ANO3: variants seen among roughly 807,000 people sequenced by gnomAD.
ANO3 encodes the protein anoctamin 3.
A neutral mutation model predicts 144.8 loss-of-function variants in ANO3; 99 were observed. The observed-to-expected ratio is 0.68, with a 90% CI of 0.58 to 0.81. ANO3 has a LOEUF of 0.81. Ranked by LOEUF, ANO3 falls within the 30% of genes least tolerant of loss-of-function variation. The probability of loss-of-function intolerance (pLI) is 0.00; values close to 1 mark genes in which losing one functional copy is unlikely to be tolerated. For synonymous variants in ANO3, 414 were observed against 392.6 expected (o/e 1.05, Z -0.64); for missense variants, 905 against 1,202.2 (o/e 0.75, Z 3.66).
At chr11:26,416,582 ATGCCCAGCTAGTT>A (rs1169250233) in intron 1 of ANO3, among the ~76,000 whole-genome samples, 2 of 151,984 alleles carry the variant, frequency 1.3e-5, no homozygotes, top group Non-Finnish European at 2.9e-5. Context: ...GTGCTCCACC[ATGCCCAGCTAGTT>A]TTTTGTATTT....
chr11:26,609,078 G>C (rs1230611678), intron 17 of ANO3, among the ~76,000 whole-genome samples: 1 of 152,202 alleles, frequency 6.6e-6, no homozygotes, highest in African/African-American at 2.4e-5. Flanking sequence ...GGGTTCACAA[G>C]TGGGATCTTC....
intron 4 of ANO3, among the ~76,000 whole-genome samples, chr11:26,480,059 A>T (rs995474466): frequency 4.6e-5 from 7 of 152,224 alleles, no homozygotes; most frequent in Non-Finnish European, 1.0e-4. Context: ...AGCAAGAGGC[A>T]TACCTGGCTA....
chr11:26,412,431 A>C (rs1265104722), intron 1 of ANO3, among the ~76,000 whole-genome samples: 1 of 152,076 alleles, frequency 6.6e-6, no homozygotes, highest in Non-Finnish European at 1.5e-5. Flanking sequence ...AGACCTGAGT[A>C]ATATTTCAGT....
chr11:26,602,535 C>T (rs115525523), intron 17 of ANO3, among the ~76,000 whole-genome samples: 2,337 of 151,634 alleles, frequency 0.015, 59 homozygotes, highest in African/African-American at 0.054. Flanking sequence ...GAGACCAGCC[C>T]GGGCAACATA....
chr11:26,555,968 A>G (rs1850071266), intron 13 of ANO3, among the ~76,000 whole-genome samples: 1 of 151,996 alleles, frequency 6.6e-6, no homozygotes. Context: ...AATAAATTAA[A>G]TTTTCCATAT....
At chr11:26,652,529 T>C (rs1853565691) in intron 24 of ANO3, among the ~76,000 whole-genome samples, 1 of 152,140 alleles carries the variant, frequency 6.6e-6, no homozygotes. Flanking sequence ...TCTCTTCTTC[T>C]TTCCCTATCT....
intron 3 of ANO3, among the ~76,000 whole-genome samples, chr11:26,456,113 T>C (rs1296014543): frequency 2.6e-5 from 4 of 151,990 alleles, no homozygotes; most frequent in South Asian, 2.1e-4. Context: ...CCTAAAACCA[T>C]AAAAACCCTA....
rs566667107 is a variant in ANO3, at chr11:26,203,615, T to A, written c.154+14285T>A. ...GTGTTCATCTAACAATGGTTGTTTG[T>A]ACAGATTACTTTTGGCCTCAACTTC... is the stretch of plus-strand genomic sequence containing the variant. On this transcript the variant is annotated intron_variant, in intron 1 of 27. Transcript: ENST00000672621. Among the ~76,000 whole-genome samples, 588 of 152,276 alleles carry A rather than the reference T, an allele frequency of 3.9e-3. 4 individuals carry two copies. The highest frequency in any genetic ancestry group is 5.3e-3 in the Non-Finnish European group (357 of 68,000).
chr11:26,309,514 T>G (rs1380698325), upstream of ANO3: 1 of 261,656 alleles, frequency 3.8e-6, no homozygotes, highest in African/African-American at 2.3e-5. Context: ...TTGGCCTATA[T>G]CAGATAGTAG....
chr11:26,447,807 C>A (rs1858758073), intron 3 of ANO3, among the ~76,000 whole-genome samples: 1 of 152,140 alleles, frequency 6.6e-6, no homozygotes, highest in African/African-American at 2.4e-5. Context: ...AAAGTGCTGA[C>A]CCTTGTAGCA....
intron 6 of ANO3, among the ~76,000 whole-genome samples, chr11:26,524,614 C>T (rs995800257): frequency 6.6e-6 from 1 of 152,104 alleles, no homozygotes; most frequent in Non-Finnish European, 1.5e-5. Flanking sequence ...GATTCCTGAG[C>T]TCCAACATGA....
intron 14 of ANO3, among the ~76,000 whole-genome samples, chr11:26,564,746 T>C (rs1238119679): frequency 1.8e-4 from 10 of 55,340 alleles, no homozygotes; most frequent in South Asian, 6.4e-4. Flanking sequence ...TATATATATA[T>C]ATATATATAT....
intron 1 of ANO3, among the ~76,000 whole-genome samples, chr11:26,268,916 G>GA (rs113978297): frequency 2.9e-4 from 44 of 150,836 alleles, no homozygotes; most frequent in Middle Eastern, 3.4e-3. Flanking sequence ...GCACCTCAAG[G>GA]AAAAAAAAAT....
intron 17 of ANO3, among the ~76,000 whole-genome samples, chr11:26,606,478 T>G (rs1028094252): frequency 1.5e-4 from 23 of 152,202 alleles, no homozygotes; most frequent in Admixed American, 1.5e-3. Flanking sequence ...GTCCTGAATA[T>G]CCTTATTAAT....
intron 4 of ANO3, among the ~76,000 whole-genome samples, chr11:26,484,693 C>A (rs1860372233): frequency 6.6e-6 from 1 of 152,152 alleles, no homozygotes; most frequent in Non-Finnish European, 1.5e-5. Context: ...AATGTTAAAT[C>A]CACTGACAGC....
intron 1 of ANO3, among the ~76,000 whole-genome samples, chr11:26,347,738 A>C (rs1855532326): frequency 6.6e-6 from 1 of 152,218 alleles, no homozygotes; most frequent in East Asian, 1.9e-4. Context: ...AGAAAATGAA[A>C]GAGCAATTAC....
chr11:26,601,301 C>A (rs1015252211), intron 17 of ANO3, among the ~76,000 whole-genome samples: 2 of 152,022 alleles, frequency 1.3e-5, no homozygotes, highest in African/African-American at 4.8e-5. Context: ...GGAGTTGAGA[C>A]CATTTGCTAT....
At chr11:26,341,559 C>T (rs922794971) in intron 1 of ANO3, among the ~76,000 whole-genome samples, 5 of 152,044 alleles carry the variant, frequency 3.3e-5, no homozygotes, top group African/African-American at 7.2e-5. Flanking sequence ...TACTTCATTT[C>T]GCAGATGTAT....
intron 4 of ANO3, among the ~76,000 whole-genome samples, chr11:26,491,863 AT>A (rs1383564046): frequency 1.3e-5 from 2 of 152,226 alleles, no homozygotes; most frequent in African/African-American, 2.4e-5. Context: ...CTGAAAAAAA[AT>A]ATAAAAACTT....
Sources: allele counts gnomAD v4.1 joint callset (sites outside exome capture counted in the v4.1 genomes callset), GRCh38; gene constraint gnomAD v4.1.1; transcripts MANE v1.5; gene names NCBI Gene and HGNC (gene_info 2026-07-23, HGNC 2026-07-21).